The following NCBP1 variants were observed in gnomAD, a reference collection of about 807,000 sequenced individuals.
The protein encoded by NCBP1 is nuclear cap-binding protein subunit 1.
A neutral mutation model predicts 111.7 loss-of-function variants in NCBP1; 16 were observed. The observed-to-expected ratio is 0.14, with a 90% CI of 0.10 to 0.22. The LOEUF (loss-of-function observed/expected upper bound fraction) is 0.22, where lower values mean the gene tolerates loss of function less well. NCBP1 is among the 10% of genes least tolerant of loss of function. The pLI is 1.00. For synonymous variants in NCBP1, 304 were observed against 314.3 expected, an observed-to-expected ratio of 0.97 and a Z score of 0.35; for missense variants, 607 against 957.5, an observed-to-expected ratio of 0.63 and a Z score of 4.83.
chr9:97,661,013 T>C lies in NCBP1; in HGVS notation c.1545T>C (p.Asp515=). Residue 515 remains aspartate (D), a synonymous_variant, in exon 16 of 23, where the codon GAT becomes GAC. Coordinates refer to ENST00000375147, the MANE Select transcript of NCBP1 (RefSeq NM_002486.5). ...AVAFKSKATN[D]EIFSILKDVP... ...CCTTTAAAAGTAAGGCAACCAATGA[T>C]GAAATCTTCAGCATTCTGAAAGATG... is the stretch of plus-strand genomic sequence containing the variant. 1 of 1,612,998 alleles carries C rather than the reference T, an allele frequency of 6.2e-7. No individual in the cohort carries two copies. The highest frequency in any genetic ancestry group is 1.1e-5 in the South Asian group (1 of 91,034).
intron 8 of NCBP1, among the ~76,000 whole-genome samples, chr9:97,648,471 G>A (rs2131341484): frequency 6.6e-6 from 1 of 152,216 alleles, no homozygotes; most frequent in African/African-American, 2.4e-5. Flanking sequence ...TGTGGGTTTT[G>A]GGTTTTTAGA....
chr9:97,642,351 T>C (rs1157272642), intron 3 of NCBP1, among the ~76,000 whole-genome samples: 1 of 152,094 alleles, frequency 6.6e-6, no homozygotes, highest in East Asian at 1.9e-4. Context: ...TGGGAGGGTT[T>C]CAGGGACCAC....
At chr9:97,648,988 C>T (rs766280349) in intron 8 of NCBP1, among the ~76,000 whole-genome samples, 8 of 152,166 alleles carry the variant, frequency 5.3e-5, no homozygotes, top group Non-Finnish European at 8.8e-5. Context: ...AGGCATGAGC[C>T]ACTGCACCTG....
intron 6 of NCBP1, 75 bp downstream of exon 6, chr9:97,645,807 C>G (rs1001481488): frequency 1.3e-6 from 2 of 1,532,512 alleles, no homozygotes; most frequent in African/African-American, 2.7e-5. Context: ...ATTTGAGTTT[C>G]TCAAAAATAA....
intron 1 of NCBP1, among the ~76,000 whole-genome samples, chr9:97,635,305 C>G (rs931634951): frequency 2.0e-5 from 3 of 152,168 alleles, no homozygotes; most frequent in African/African-American, 7.2e-5. Flanking sequence ...GTCCGGGGCT[C>G]TCTTCACTAC....
At chr9:97,670,771 A>C (rs1254542034) in intron 22 of NCBP1, among the ~76,000 whole-genome samples, 2 of 152,202 alleles carry the variant, frequency 1.3e-5, no homozygotes, top group African/African-American at 2.4e-5. Flanking sequence ...GGAGAGAGCT[A>C]GCTGAGCCTA....
chr9:97,665,819 A>G (rs1827984664), intron 19 of NCBP1, among the ~76,000 whole-genome samples: 1 of 149,556 alleles, frequency 6.7e-6, no homozygotes. Context: ...AAATTTAACT[A>G]GTAGCCTACT....
At chr9:97,652,433 C>A (rs1394071600) in intron 10 of NCBP1, among the ~76,000 whole-genome samples, 1 of 152,136 alleles carries the variant, frequency 6.6e-6, no homozygotes, top group African/African-American at 2.4e-5. Context: ...GCCTGGGCAA[C>A]ATGGCAAAAT....
rs2035138688 is a variant in NCBP1 at position 97,640,818 on chromosome 9, A to G, written c.59A>G (p.Lys20Arg). The G allele has an allele frequency of 6.2e-7, 1 of 1,609,622 alleles. No individual in the cohort carries two copies. Among genetic ancestry groups the G allele is most frequent in the South Asian group, 1.1e-5 (1 of 90,056 alleles). ...GGTGGGCAGCCTCACAAAAGGAGAA[A>G]GACCTCTGATGCAAATGAAACTGAA... ...NDGGQPHKRR[K>R]TSDANETEDH... Residue 20 changes from lysine (K) to arginine (R), a missense_variant, in exon 2 of 23, where the codon AAG becomes AGG. Lys to Arg is a conservative substitution (Grantham distance 26). Transcript: ENST00000375147.
At chr9:97,645,933 G>C (rs1308609071) in intron 6 of NCBP1, among the ~76,000 whole-genome samples, 2 of 152,224 alleles carry the variant, frequency 1.3e-5, no homozygotes, top group Non-Finnish European at 2.9e-5. Flanking sequence ...GCAAAGGACA[G>C]TTGGCAATAT....
At chr9:97,645,249 C>T (rs1437571072) in intron 5 of NCBP1, 25 bp downstream of exon 5, 1 of 1,543,780 alleles carries the variant, frequency 6.5e-7, no homozygotes, top group Non-Finnish European at 9.0e-7. Flanking sequence ...CATGCTGAAT[C>T]TTGAGGGGTT....
chr9:97,662,007 T>C (rs1827853925), intron 16 of NCBP1, 35 bp from the exon 17 acceptor site: 1 of 1,500,640 alleles, frequency 6.7e-7, no homozygotes, highest in Non-Finnish European at 9.3e-7. Flanking sequence ...TTGCTGTGCT[T>C]ACATTTTTCT....
intron 6 of NCBP1, among the ~76,000 whole-genome samples, 156 bp downstream of exon 6, chr9:97,645,888 A>G (rs957281301): frequency 6.6e-6 from 1 of 152,224 alleles, no homozygotes; most frequent in African/African-American, 2.4e-5. Context: ...TGAGACCTCA[A>G]AGTAGTCAGA....
chr9:97,655,032 A>G (rs1827609516), intron 12 of NCBP1, 88 bp downstream of exon 12: 3 of 1,171,180 alleles, frequency 2.6e-6, no homozygotes, highest in Admixed American at 5.6e-5. Context: ...ATTTTTAAGA[A>G]TTTCCATGTT....
At chr9:97,635,436 G>C (rs1400504862) in intron 1 of NCBP1, among the ~76,000 whole-genome samples, 1 of 132,500 alleles carries the variant, frequency 7.5e-6, no homozygotes, top group Non-Finnish European at 1.5e-5. Flanking sequence ...TTTCTGAGAC[G>C]GAGTGTCATT....
intron 6 of NCBP1, among the ~76,000 whole-genome samples, chr9:97,646,754 T>C (rs1827347286): frequency 6.6e-6 from 1 of 150,912 alleles, no homozygotes; most frequent in South Asian, 2.1e-4. Flanking sequence ...GGAGAATTGC[T>C]TGAACCCAGG....
At chr9:97,651,937 G>A (rs1827508434) in intron 10 of NCBP1, among the ~76,000 whole-genome samples, 1 of 151,998 alleles carries the variant, frequency 6.6e-6, no homozygotes, top group African/African-American at 2.4e-5. Flanking sequence ...TTAGTATACA[G>A]TTGAATACAT....
Position 97,669,588 on chromosome 9 carries a change from T to TA in NCBP1, c.2146-5_2146-4insA. On this transcript the variant is annotated splice_region_variant and splice_polypyrimidine_tract_variant and intron_variant, in intron 21 of 22. Coordinates refer to ENST00000375147, the MANE Select transcript of NCBP1 (RefSeq NM_002486.5). The stretch of plus-strand genomic sequence containing the variant: ...GTACTACCTTAACTTCTTCTCCCTT[T>TA]CCAGCGGTTTATCATGATCTTGACC... 1 of 1,590,250 alleles carries TA rather than the reference T, an allele frequency of 6.3e-7. No individual in the cohort carries two copies. The highest frequency in any genetic ancestry group is 8.6e-7 in the Non-Finnish European group (1 of 1,158,254).
intron 12 of NCBP1, among the ~76,000 whole-genome samples, chr9:97,655,337 C>T (rs1346660642): frequency 1.3e-5 from 2 of 152,142 alleles, no homozygotes; most frequent in African/African-American, 4.8e-5. Context: ...TAGTCTCCAT[C>T]CCGAGTAGCT....
Sources: gnomAD v4.1 joint callset for allele counts (sites outside exome capture counted in the v4.1 genomes callset) on GRCh38, gnomAD v4.1.1 for gene constraint, MANE v1.5 for transcripts, NCBI Gene and HGNC (gene_info 2026-07-23, HGNC 2026-07-21) for gene names.